Variants in RCAN2 observed in about 807,000 individuals in gnomAD.
RCAN2 encodes regulator of calcineurin 2, also known as calcipressin-2.
A neutral mutation model predicts 23.6 loss-of-function variants in RCAN2; 9 were observed. The observed-to-expected ratio is 0.38, with a 90% confidence interval of 0.23 to 0.67. RCAN2 has a LOEUF of 0.67. RCAN2 is among the 30% of genes least tolerant of loss of function. The pLI is 0.51. For synonymous variants in RCAN2, 109 were observed against 115.7 expected, an observed-to-expected ratio of 0.94 and a Z score of 0.37; for missense variants, 273 against 302.3, an observed-to-expected ratio of 0.90 and a Z score of 0.72.
At chr6:46,481,114 G>A (rs1414034263) in intron 1 of RCAN2, among the ~76,000 whole-genome samples, 5 of 152,174 alleles carry the variant, frequency 3.3e-5, no homozygotes, top group African/African-American at 9.7e-5. Context: ...CCATGGCGAT[G>A]AATGAGTAGG....
At chr6:46,306,067 C>A (rs1347974381) in intron 2 of RCAN2, among the ~76,000 whole-genome samples, 1 of 152,012 alleles carries the variant, frequency 6.6e-6, no homozygotes, top group African/African-American at 2.4e-5. Context: ...GTGGCCACAC[C>A]CAGTGTGCTA....
chr6:46,283,517 G>A (rs767146118), intron 2 of RCAN2, among the ~76,000 whole-genome samples: 6 of 152,084 alleles, frequency 3.9e-5, no homozygotes, highest in Non-Finnish European at 8.8e-5. Context: ...TATTAGCCAG[G>A]GCCCAGAGGA....
intron 2 of RCAN2, among the ~76,000 whole-genome samples, chr6:46,419,249 A>G (rs1766799473): frequency 6.6e-6 from 1 of 152,208 alleles, no homozygotes. Flanking sequence ...CTTTTAACCA[A>G]TAAGCCAGTT....
intron 2 of RCAN2, among the ~76,000 whole-genome samples, chr6:46,356,196 G>T (rs1764824786): frequency 6.6e-6 from 1 of 152,186 alleles, no homozygotes; most frequent in African/African-American, 2.4e-5. Context: ...ACAGTCTATA[G>T]GCTCCTATTC....
At chr6:46,365,107 A>G (rs1261151306) in intron 2 of RCAN2, among the ~76,000 whole-genome samples, 1 of 152,154 alleles carries the variant, frequency 6.6e-6, no homozygotes, top group African/African-American at 2.4e-5. Flanking sequence ...CCAATGTAAT[A>G]ATAATATAAA....
intron 1 of RCAN2, among the ~76,000 whole-genome samples, chr6:46,468,588 G>T (rs1450416836): frequency 6.6e-6 from 1 of 152,158 alleles, no homozygotes; most frequent in African/African-American, 2.4e-5. Context: ...ACAACATTTG[G>T]CAAAGCAAAC....
chr6:46,448,696 T>C (rs536833020), intron 2 of RCAN2, among the ~76,000 whole-genome samples: 27 of 152,044 alleles, frequency 1.8e-4, no homozygotes, highest in African/African-American at 6.0e-4. Context: ...GTAAATGTGA[T>C]ACACAACATT....
chr6:46,286,845 A>C (rs1283595665), intron 2 of RCAN2, among the ~76,000 whole-genome samples: 1 of 152,114 alleles, frequency 6.6e-6, no homozygotes, highest in African/African-American at 2.4e-5. Context: ...TCTACTAAAA[A>C]TACAAAAAAG....
At chr6:46,417,691 C>T (rs780097151) in intron 2 of RCAN2, among the ~76,000 whole-genome samples, 6 of 152,096 alleles carry the variant, frequency 3.9e-5, no homozygotes, top group Non-Finnish European at 7.4e-5. Context: ...ATAATCTTAT[C>T]GACATAATCC....
chr6:46,428,583 A>G (rs1421400448), intron 2 of RCAN2, among the ~76,000 whole-genome samples: 1 of 152,330 alleles, frequency 6.6e-6, no homozygotes, highest in East Asian at 1.9e-4. Flanking sequence ...CCAGTCTCTG[A>G]CCTGGAAAGT....
intron 4 of RCAN2, among the ~76,000 whole-genome samples, chr6:46,242,498 A>G (rs937573050): frequency 2.0e-5 from 3 of 152,140 alleles, no homozygotes; most frequent in Non-Finnish European, 4.4e-5. Flanking sequence ...AAATGTCTAC[A>G]TACCTTCTCA....
intron 2 of RCAN2, among the ~76,000 whole-genome samples, chr6:46,255,033 T>C (rs1370017861): frequency 6.6e-6 from 1 of 152,208 alleles, no homozygotes; most frequent in East Asian, 1.9e-4. Context: ...GCCTTCAGAA[T>C]TGTATGGTAA....
At chr6:46,274,636 C>G (rs991033696) in intron 2 of RCAN2, among the ~76,000 whole-genome samples, 1 of 152,166 alleles carries the variant, frequency 6.6e-6, no homozygotes, top group African/African-American at 2.4e-5. Flanking sequence ...TGCCTCACCA[C>G]CTGGAGAGGG....
intron 2 of RCAN2, among the ~76,000 whole-genome samples, chr6:46,276,853 C>T (rs1767727481): frequency 6.6e-6 from 1 of 152,304 alleles, no homozygotes; most frequent in African/African-American, 2.4e-5. Flanking sequence ...TTGAACAGAG[C>T]AGCAAACATG....
intron 2 of RCAN2, among the ~76,000 whole-genome samples, chr6:46,416,677 A>T (rs1051378973): frequency 1.3e-5 from 2 of 151,832 alleles, no homozygotes; most frequent in African/African-American, 2.4e-5. Context: ...ATGTACCACC[A>T]TCCCCAGCTA....
rs181844940 is a variant in RCAN2, at chr6:46,347,213, A to G, written c.226-98317T>C. On this transcript the variant is annotated intron_variant, in intron 2 of 4. Transcript: ENST00000371374. ...TTTAGAGAAAAATTTGGATAATGCA[A>G]CACCACAGTTTATACAATGATATTT... Among the ~76,000 whole-genome samples, 4 of 152,332 alleles carry G rather than the reference A, an allele frequency of 2.6e-5. No homozygotes were observed. The East Asian group carries it at 7.7e-4, about 29-fold the overall frequency.
chr6:46,308,305 A>C (rs1763131819), intron 2 of RCAN2, among the ~76,000 whole-genome samples: 3 of 152,196 alleles, frequency 2.0e-5, no homozygotes, highest in Admixed American at 6.5e-5. Flanking sequence ...TGTATGTTAG[A>C]CATTATTATT....
intron 2 of RCAN2, among the ~76,000 whole-genome samples, chr6:46,392,528 T>C (rs1765965518): frequency 6.6e-6 from 1 of 152,088 alleles, no homozygotes. Flanking sequence ...CTCTGGAACC[T>C]AACACTTAAT....
At chr6:46,284,793 A>T (rs544205632) in intron 2 of RCAN2, among the ~76,000 whole-genome samples, 1 of 152,082 alleles carries the variant, frequency 6.6e-6, no homozygotes, top group South Asian at 2.1e-4. Context: ...AAGCTGACAC[A>T]GTTCCTTTTT....
Sources: gnomAD v4.1 joint callset for allele counts (sites outside exome capture counted in the v4.1 genomes callset) on GRCh38, gnomAD v4.1.1 for gene constraint, MANE v1.5 for transcripts, NCBI Gene and HGNC (gene_info 2026-07-23, HGNC 2026-07-21) for gene names.